Variants in LMF1 observed in about 807,000 individuals in gnomAD.
LMF1 encodes the protein lipase maturation factor 1.
In LMF1, 68 loss-of-function variants were observed where a neutral mutation model predicts 60.6. The ratio of observed to expected loss-of-function variants is 1.12; its 90% CI spans 0.92 to 1.37. The LOEUF is 1.37. Ranked by LOEUF, LMF1 falls within the 40% of genes most tolerant of loss-of-function variation. The pLI is 0.00. For missense variants in LMF1, 948 were observed against 767.2 expected, an observed-to-expected ratio of 1.24 and a Z score of -2.78; for synonymous variants, 418 against 324.7, an observed-to-expected ratio of 1.29 and a Z score of -3.09.
Position 854,645 on chromosome 16 carries a change from C to T in LMF1, c.1591G>A (p.Glu531Lys), listed in dbSNP as rs751666631. ...FSRPGGRHAA[E>K]GKWWVRKRIG... ...CTCTTCCGCACCCACCACTTGCCCTCGGCGGCGTGCCTGCCCCCAGGACGG... is the reference window on the plus strand; with the variant it reads ...CTCTTCCGCACCCACCACTTGCCCTTGGCGGCGTGCCTGCCCCCAGGACGG... The change falls in exon 11 of 11, where the codon GAG (glutamate) becomes AAG (lysine). Residue 531 changes from glutamate (E) to lysine (K), a missense_variant. By Grantham distance (56) the Glu-to-Lys change is moderately conservative. Transcript: ENST00000262301. The T allele has an allele frequency of 2.1e-5, 33 of 1,606,030 alleles. No individual in the cohort carries two copies. The highest frequency in any genetic ancestry group is 3.3e-4 in the Middle Eastern group (2 of 6,074).
chr16:919,547 T>TCCCACCCACAGACCCGC (rs1596993764), intron 3 of LMF1, among the ~76,000 whole-genome samples: 3 of 152,322 alleles, frequency 2.0e-5, no homozygotes, highest in East Asian at 3.9e-4. Flanking sequence ...GCTGGGGGCA[T>TCCCACCCACAGACCCGC]TCCACCCACA....
chr16:911,164 A>C, intron 3 of LMF1, 85 bp from the exon 4 acceptor site: 4 of 1,471,574 alleles, frequency 2.7e-6, no homozygotes, highest in Non-Finnish European at 2.8e-6. Flanking sequence ...AGTTTAATGG[A>C]AACGGTCCTT....
intron 5 of LMF1, among the ~76,000 whole-genome samples, chr16:882,350 G>A (rs1405273165): frequency 6.6e-6 from 1 of 152,242 alleles, no homozygotes. Flanking sequence ...CCAAGAGAAT[G>A]CAGCGTGAGT....
intron 1 of LMF1, chr16:980,919 C>T (rs919893512): frequency 6.6e-6 from 1 of 152,096 alleles, no homozygotes; most frequent in Non-Finnish European, 1.5e-5. Context: ...AGCCCTAGGT[C>T]ACGCCCGGAA....
chr16:857,503 G>A (rs1169117733), intron 10 of LMF1, among the ~76,000 whole-genome samples: 33 of 118,552 alleles, frequency 2.8e-4, no homozygotes, highest in African/African-American at 1.0e-3. Context: ...GGTGTGAGTG[G>A]TGTCTCGGGA....
upstream of LMF1, among the ~76,000 whole-genome samples, chr16:974,929 C>T (rs929434368): frequency 3.3e-5 from 5 of 152,224 alleles, no homozygotes; most frequent in African/African-American, 1.2e-4. Context: ...GAAGGGGGGC[C>T]CAGGACCCGT....
rs185021364 is a variant in LMF1, at chr16:927,529, G to A, written c.514+6715C>T. ...GCGAGCTCACGGCAGAGGCCGTGGAGGCTGCCTCTGATTAGGGAATAATTT... is the reference window on the plus strand; with the variant it reads ...GCGAGCTCACGGCAGAGGCCGTGGAAGCTGCCTCTGATTAGGGAATAATTT... On this transcript the variant is annotated intron_variant, in intron 3 of 10. Transcript: ENST00000262301. Among the ~76,000 whole-genome samples the A allele has an allele frequency of 6.4e-3, 970 of 152,376 alleles. 3 individuals are homozygous for A. The highest frequency in any genetic ancestry group is 0.01 in the Non-Finnish European group (711 of 68,038).
chr16:955,829 C>G (rs2072686160), intron 1 of LMF1, among the ~76,000 whole-genome samples: 1 of 152,256 alleles, frequency 6.6e-6, no homozygotes, highest in Admixed American at 6.5e-5. Context: ...TGGCTCTGGT[C>G]AACGGCATCA....
At chr16:954,948 G>A (rs1348370599) in intron 1 of LMF1, among the ~76,000 whole-genome samples, 17 of 130,846 alleles carry the variant, frequency 1.3e-4, no homozygotes, top group African/African-American at 4.6e-4. Context: ...AGCAGACGCG[G>A]TGTGTGCATC....
intron 2 of LMF1, chr16:947,359 T>C (rs1328084524): frequency 1.2e-5 from 5 of 401,654 alleles, no homozygotes; most frequent in African/African-American, 2.1e-5. Context: ...CAGAGGCAGG[T>C]GGTGGAAAAG....
intron 4 of LMF1, among the ~76,000 whole-genome samples, chr16:895,045 G>A (rs1313670391): frequency 2.6e-5 from 4 of 152,178 alleles, no homozygotes; most frequent in Non-Finnish European, 5.9e-5. Flanking sequence ...CAGCAGGGCT[G>A]AGGAGGCCGC....
At chr16:976,607 C>T (rs375744448) in intron 1 of LMF1, 8 of 453,936 alleles carry the variant, frequency 1.8e-5, no homozygotes, top group South Asian at 4.7e-5. Context: ...CATTATCAGA[C>T]GAGAAGTGCA....
In LMF1 at chr16:911,064, A is replaced by C; in HGVS notation, c.530T>G (p.Leu177Arg). The C allele has an allele frequency of 1.2e-6, 2 of 1,612,262 alleles. No homozygotes were observed. Among genetic ancestry groups the C allele is most frequent in the Non-Finnish European group, 1.7e-6 (2 of 1,179,484 alleles). Reference protein sequence around the residue: ...VWYSFGWESQLLETGFLGIFL... With the variant: ...VWYSFGWESQRLETGFLGIFL... Reference sequence around the variant, plus strand: ...GATCCCCAGGAACCCCGTCTCCAGAAGCTGGGACTCCCATCCTAAAACAAC... The same window carrying C: ...GATCCCCAGGAACCCCGTCTCCAGACGCTGGGACTCCCATCCTAAAACAAC... The change falls in exon 4 of 11, where the codon CTT becomes CGT. Residue 177 changes from leucine to arginine, a missense_variant. Leu to Arg is a moderately radical substitution (Grantham distance 102). Transcript: ENST00000262301.
At chr16:953,991 CAAACCA>C (rs2072587806) in intron 2 of LMF1, among the ~76,000 whole-genome samples, 1 of 40,602 alleles carries the variant, frequency 2.5e-5, no homozygotes, top group Non-Finnish European at 5.2e-5. Flanking sequence ...ACAGACACCC[CAAACCA>C]GCCTCCTACA....
chr16:867,430 C>T (rs1377583509), intron 10 of LMF1, among the ~76,000 whole-genome samples: 3 of 152,190 alleles, frequency 2.0e-5, no homozygotes, highest in Admixed American at 6.5e-5. Flanking sequence ...CCCCAGGCAC[C>T]GAGGAGGCTG....
intron 3 of LMF1, among the ~76,000 whole-genome samples, chr16:923,616 G>A (rs1033715848): frequency 5.9e-5 from 9 of 152,158 alleles, no homozygotes. Context: ...CACTGCTTTA[G>A]AAGGACGTGG....
Position 951,099 on chromosome 16 carries a change from CAAT to C in LMF1, c.503+3255_503+3257del, listed in dbSNP as rs2072451020. Among the ~76,000 whole-genome samples the C allele has an allele frequency of 6.8e-5, 5 of 73,556 alleles. 1 individual carries two copies. Among genetic ancestry groups the C allele is most frequent in the South Asian group, 6.2e-4 (1 of 1,616 alleles). 48.3% of individuals were successfully genotyped at this position (73,556 alleles called of 152,430 possible). ...AGTCAGCCAACGACAGAGTCAGAGC[CAAT>C]GACAGAGTCAGCCAATGACAGAGTC... On this transcript the variant is annotated intron_variant, in intron 2 of 10. Coordinates refer to ENST00000262301, the MANE Select transcript of LMF1 (RefSeq NM_022773.4).
At chr16:934,833 C>T (rs890402581) in intron 2 of LMF1, among the ~76,000 whole-genome samples, 13 of 152,228 alleles carry the variant, frequency 8.5e-5, no homozygotes, top group Non-Finnish European at 1.8e-4. Context: ...ATGCATCCCA[C>T]ACCTGCCTCA....
chr16:855,483 C>T (rs1596817846), intron 10 of LMF1: 1 of 357,414 alleles, frequency 2.8e-6, no homozygotes, highest in East Asian at 7.4e-5. Context: ...GAGGACTGGG[C>T]ATTTTCTCCT....
Sources: allele counts gnomAD v4.1 joint callset (sites outside exome capture counted in the v4.1 genomes callset), GRCh38; gene constraint gnomAD v4.1.1; transcripts MANE v1.5; gene names NCBI Gene and HGNC (gene_info 2026-07-23, HGNC 2026-07-21).